The following PRKCB variants were observed in gnomAD, a reference collection of about 807,000 sequenced individuals.
PRKCB encodes the protein protein kinase C beta type.
A neutral mutation model predicts 81.5 loss-of-function variants in PRKCB; 13 were observed. The observed-to-expected ratio is 0.16, with a 90% CI of 0.10 to 0.25. PRKCB has a LOEUF of 0.25. Among genes scored for constraint, PRKCB ranks in the 10% least tolerant of loss-of-function variants. PRKCB has a pLI of 1.00. For missense variants in PRKCB, 509 were observed against 875.7 expected (o/e 0.58, Z 5.29); for synonymous variants, 335 against 321.4 (o/e 1.04, Z -0.45).
intron 2 of PRKCB, among the ~76,000 whole-genome samples, chr16:23,854,866 G>C (rs994973369): frequency 6.6e-6 from 1 of 152,136 alleles, no homozygotes; most frequent in African/African-American, 2.4e-5. Flanking sequence ...TTCTGAAAAT[G>C]AACTTGATCA....
At chr16:24,129,556 TATCTA>T (rs1223994463) in intron 9 of PRKCB, among the ~76,000 whole-genome samples, 2 of 151,380 alleles carry the variant, frequency 1.3e-5, no homozygotes, top group Non-Finnish European at 2.9e-5. Context: ...TCCATCTGTC[TATCTA>T]ATCTATCATC....
chr16:23,897,062 A>G (rs1963392196), intron 2 of PRKCB, among the ~76,000 whole-genome samples: 1 of 152,178 alleles, frequency 6.6e-6, no homozygotes, highest in Non-Finnish European at 1.5e-5. Context: ...ACTGTGTGCC[A>G]GACCCTGTGC....
At chr16:24,029,010 C>T (rs997621582) in intron 3 of PRKCB, among the ~76,000 whole-genome samples, 3 of 149,724 alleles carry the variant, frequency 2.0e-5, no homozygotes, top group South Asian at 4.2e-4. Context: ...AGGCTGGTCT[C>T]GAACTCCTGA....
intron 2 of PRKCB, among the ~76,000 whole-genome samples, chr16:23,976,219 A>G (rs1051625910): frequency 6.6e-6 from 1 of 151,992 alleles, no homozygotes; most frequent in Non-Finnish European, 1.5e-5. Context: ...AGTTGCATGA[A>G]TCCAGGTGCT....
At position 24,215,984 on chromosome 16, in the gene PRKCB, A is replaced by G. The variant is rs1203689352; in HGVS notation, c.*1168A>G. 7.2e-6 allele frequency: 7 copies of G among 970,124 alleles called. No homozygotes were observed. In the Admixed American group the frequency reaches 2.0e-4, roughly 28 times the overall value. 60.1% of individuals were successfully genotyped at this position (970,124 alleles called of 1,614,324 possible). ...CATTTTTCTTCTAGCATCGAGATAC[A>G]ATAAAAAAAAAAAAAAAGAAAAGAA... On this transcript the variant is annotated 3_prime_UTR_variant, in exon 17 of 17. Coordinates refer to ENST00000643927, the MANE Select transcript of PRKCB (RefSeq NM_002738.7).
intron 7 of PRKCB, among the ~76,000 whole-genome samples, chr16:24,106,449 A>AGT (rs1966580076): frequency 6.6e-6 from 1 of 152,194 alleles, no homozygotes; most frequent in African/African-American, 2.4e-5. Context: ...ATAGAGAGAG[A>AGT]GAGTGAAGCA....
At chr16:24,043,132 C>T (rs994697859) in intron 5 of PRKCB, among the ~76,000 whole-genome samples, 2 of 152,156 alleles carry the variant, frequency 1.3e-5, no homozygotes, top group Non-Finnish European at 2.9e-5. Context: ...GTCACAGCTG[C>T]TGTTGAGGAT....
intron 3 of PRKCB, among the ~76,000 whole-genome samples, chr16:24,010,476 G>A (rs1965188085): frequency 1.3e-5 from 2 of 152,184 alleles, no homozygotes; most frequent in Non-Finnish European, 2.9e-5. Flanking sequence ...ACCCCACATC[G>A]GAGGGGAGAA....
intron 3 of PRKCB, among the ~76,000 whole-genome samples, chr16:24,001,467 T>G (rs1178393358): frequency 6.6e-6 from 1 of 152,172 alleles, no homozygotes; most frequent in Admixed American, 6.5e-5. Flanking sequence ...TGTTAAATGT[T>G]GAAGATTTGA....
intron 2 of PRKCB, among the ~76,000 whole-genome samples, chr16:23,882,913 A>T (rs929079626): frequency 8.5e-5 from 13 of 152,084 alleles, no homozygotes; most frequent in African/African-American, 2.9e-4. Flanking sequence ...ATTCTTTTGG[A>T]TATAGATCCT....
At chr16:23,875,760 ATGTATATCACACATATATGTG>A (rs1384808643) in intron 2 of PRKCB, among the ~76,000 whole-genome samples, 4,726 of 128,898 alleles carry the variant, frequency 0.037, 292 homozygotes, top group South Asian at 0.07. Flanking sequence ...ACATATATGT[ATGTATATCACACATATATGTG>A]TGTATATCAC....
chr16:24,193,472 T>TAAATAAATAAATA (rs1555501785), intron 16 of PRKCB, among the ~76,000 whole-genome samples: 20 of 103,160 alleles, frequency 1.9e-4, no homozygotes, highest in South Asian at 3.0e-4. Context: ...AATAAATAAA[T>TAAATAAATAAATA]AAATAAATAA....
At position 24,191,142 on chromosome 16, in the gene PRKCB, G is replaced by C. The variant is rs767265943; in HGVS notation, c.1775G>C (p.Arg592Pro). The change falls in exon 16 of 17, where the codon CGT (arginine) becomes CCT (proline). Residue 592 changes from arginine (R) to proline (P), a missense_variant. Around this residue, in one of 6 missense-constraint regions of PRKCB, gnomAD observed 104 missense variants for 160.5 expected, o/e 0.65. Transcript: ENST00000643927. ...CTGGGTTGTGGACCTGAAGGCGAAC[G>C]TGATATCAAAGAGCATGCATTTTTC... ...KRLGCGPEGE[R>P]DIKEHAFFRY... The C allele has an allele frequency of 6.2e-7, 1 of 1,614,074 alleles. No homozygotes were observed. Among genetic ancestry groups the C allele is most frequent in the South Asian group, 1.1e-5 (1 of 91,080 alleles).
intron 2 of PRKCB, among the ~76,000 whole-genome samples, chr16:23,987,760 G>C (rs1219361645): frequency 1.3e-5 from 2 of 152,148 alleles, no homozygotes. Flanking sequence ...GGTTGTAAAA[G>C]AAGATTTGAA....
chr16:23,860,712 C>T (rs936216550), intron 2 of PRKCB, among the ~76,000 whole-genome samples: 1 of 151,210 alleles, frequency 6.6e-6, no homozygotes, highest in Non-Finnish European at 1.5e-5. Context: ...ATGGTGAAAC[C>T]CCATCTCTAC....
At chr16:24,079,383 C>T (rs765469885) in intron 5 of PRKCB, among the ~76,000 whole-genome samples, 9 of 152,306 alleles carry the variant, frequency 5.9e-5, no homozygotes, top group Middle Eastern at 3.4e-3. Context: ...TTGGGGCACC[C>T]GCGTTGTGTC....
intron 9 of PRKCB, among the ~76,000 whole-genome samples, chr16:24,142,751 G>C (rs1966920515): frequency 6.6e-6 from 1 of 152,152 alleles, no homozygotes; most frequent in Non-Finnish European, 1.5e-5. Context: ...GAGCTCATCT[G>C]ACCTACCCTC....
At chr16:24,175,357 A>G (rs1967511797) in intron 12 of PRKCB, among the ~76,000 whole-genome samples, 1 of 152,030 alleles carries the variant, frequency 6.6e-6, no homozygotes, top group Non-Finnish European at 1.5e-5. Flanking sequence ...TGTTTGACAC[A>G]CATTTATCAA....
chr16:24,171,554 T>C (rs423457), intron 10 of PRKCB, among the ~76,000 whole-genome samples: 56,694 of 151,784 alleles, frequency 0.37, 10,960 homozygotes, highest in South Asian at 0.48. Flanking sequence ...TCACTGTGGG[T>C]GGGGGGAGCA....
Sources: gnomAD v4.1 joint callset for allele counts (sites outside exome capture counted in the v4.1 genomes callset) on GRCh38, gnomAD v4.1.1 for gene constraint, gnomAD v4.1.1 regional missense constraint, MANE v1.5 for transcripts, NCBI Gene and HGNC (gene_info 2026-07-23, HGNC 2026-07-21) for gene names.